C1RL: variants seen among roughly 807,000 people sequenced by gnomAD.
C1RL encodes the protein complement C1r subcomponent-like protein.
Under a neutral mutation model 27.9 loss-of-function variants are expected in C1RL, and 27 were observed. The ratio of observed to expected loss-of-function variants is 0.97; its 90% CI spans 0.71 to 1.33. The LOEUF (loss-of-function observed/expected upper bound fraction) is 1.33. C1RL is among the 40% of genes most tolerant of loss of function. The pLI is 0.00. For synonymous variants in C1RL, 248 were observed against 252.1 expected (o/e 0.98, Z 0.15); for missense variants, 563 against 623.9 (o/e 0.90, Z 1.04).
At chr12:7,102,239 C>T (rs775417802) in intron 2 of C1RL, 152 bp from the exon 3 acceptor site, 36 of 666,914 alleles carry the variant, frequency 5.4e-5, no homozygotes, top group Non-Finnish European at 8.1e-5. Flanking sequence ...GAGGCTTCCT[C>T]AACTAGCTTC....
Position 7,104,043 on chromosome 12 carries a change from A to G in C1RL, c.301-1956T>C, listed in dbSNP as rs7139082. Among the ~76,000 whole-genome samples, 86,471 of 152,102 alleles carry G rather than the reference A, an allele frequency of 0.57. 25,188 individuals are homozygous for G. Among genetic ancestry groups the G allele is most frequent in the East Asian group, 0.73 (3,773 of 5,166 alleles). On this transcript the variant is annotated intron_variant, in intron 2 of 5. Transcript: ENST00000266542. The surrounding 1 kb of genome is among the most constrained non-coding windows in gnomAD (Gnocchi z 5.4). ...TAACCAAGGACAAAAAAGGGAGAGA[A>G]GATGACAGCAGATGACAGGTGTCAA...
Position 7,096,299 on chromosome 12 carries a change from CA to C in C1RL, c.*91del. ...CCTGCCTCCCCCAACCCCCCACCCCCAACCCCTACCCCAGTGTTCAGTCCTC... is the reference window on the plus strand; with the variant it reads ...CCTGCCTCCCCCAACCCCCCACCCCCACCCCTACCCCAGTGTTCAGTCCTC... On this transcript the variant is annotated 3_prime_UTR_variant, in exon 6 of 6. Transcript: ENST00000266542. 8.2e-7 allele frequency: 1 copy of C among 1,218,538 alleles called. No homozygotes were observed. The highest frequency in any genetic ancestry group is 1.0e-6 in the Non-Finnish European group (1 of 974,302). 75.5% of individuals were successfully genotyped at this position (1,218,538 alleles called of 1,614,324 possible).
intron 5 of C1RL, chr12:7,098,457 T>G (rs1164463363): frequency 1.3e-5 from 2 of 152,208 alleles, no homozygotes; most frequent in Non-Finnish European, 2.9e-5. Context: ...GCAAGTCTAC[T>G]GCTAGGTATA....
Position 7,101,952 on chromosome 12 carries a change from C to T in C1RL, c.436G>A (p.Glu146Lys). The T allele has an allele frequency of 1.2e-6, 2 of 1,614,232 alleles. No individual in the cohort carries two copies. The highest frequency in any genetic ancestry group is 1.7e-6 in the Non-Finnish European group (2 of 1,180,044). Reference sequence around the variant, plus strand: ...TTGTGGAGGTGGGCAGTCTTGTTCTCCGAGGAAGGCTGTGTGCGGAAGGTC... The same window carrying T: ...TTGTGGAGGTGGGCAGTCTTGTTCTTCGAGGAAGGCTGTGTGCGGAAGGTC... Reference protein sequence around the residue: ...RLTFRTQPSSENKTAHLHKGF... With the variant: ...RLTFRTQPSSKNKTAHLHKGF... The change falls in exon 3 of 6, where the codon GAG (glutamate) becomes AAG (lysine). Residue 146 changes from glutamate to lysine, a missense_variant. By Grantham distance (56) the Glu-to-Lys change is moderately conservative. Coordinates refer to ENST00000266542, the MANE Select transcript of C1RL (RefSeq NM_016546.4).
chr12:7,108,530 C>G (rs760349937), intron 1 of C1RL, 51 bp from the exon 2 acceptor site: 6 of 1,470,168 alleles, frequency 4.1e-6, no homozygotes, highest in Admixed American at 4.2e-5. Context: ...TGGCCGGAAG[C>G]CTGTGGGTGT....
chr12:7,106,967 G>A (rs1938783901), intron 2 of C1RL, among the ~76,000 whole-genome samples: 2 of 152,110 alleles, frequency 1.3e-5, no homozygotes, highest in African/African-American at 4.8e-5. Flanking sequence ...GATAAAGCTA[G>A]TCCTTATCTT....
Position 7,095,899 on chromosome 12 carries a change from A to T in C1RL, c.*492T>A. 4.1e-6 allele frequency: 4 copies of T among 984,692 alleles called. No homozygotes were observed. The highest frequency in any genetic ancestry group is 4.8e-6 in the Non-Finnish European group (4 of 829,110). 61.0% of individuals were successfully genotyped at this position (984,692 alleles called of 1,614,324 possible). On this transcript the variant is annotated 3_prime_UTR_variant, in exon 6 of 6. Transcript: ENST00000266542. ...AAAATAAAAAAGGAGCTGTTTCTAT[A>T]ATTGCATCTTGGAGCTGCAGAATAG...
At chr12:7,100,513 G>A (rs1371828273) in intron 3 of C1RL, among the ~76,000 whole-genome samples, 1 of 152,148 alleles carries the variant, frequency 6.6e-6, no homozygotes, top group Non-Finnish European at 1.5e-5. Context: ...TAATGAGTTC[G>A]CCAGGTGCGG....
rs760966685 is a variant in C1RL at position 7,100,012 on chromosome 12, G to C, written c.505C>G (p.Gln169Glu). ...CCCCTGCTGGCCTCGCTGATGGGCT[G>C]ACTATAGTTCACAGCTATAGGAAAA... The part of the protein sequence containing the change: ...LYQTVAVNYS[Q>E]PISEASRGSE... The change falls in exon 4 of 6, where the codon CAG becomes GAG. Residue 169 changes from glutamine to glutamate, a missense_variant. Gln to Glu is a conservative substitution (Grantham distance 29). Coordinates refer to ENST00000266542, the MANE Select transcript of C1RL (RefSeq NM_016546.4). 5 of 1,612,600 alleles carry C rather than the reference G, an allele frequency of 3.1e-6. No individual in the cohort carries two copies. In the Admixed American group the frequency reaches 8.4e-5, roughly 27 times the overall value.
Position 7,104,858 on chromosome 12 carries a change from C to T in C1RL, c.301-2771G>A, listed in dbSNP as rs932435421. Reference sequence around the variant, plus strand: ...ATCAGTAATTGCTGTAGAAACTTCACTCTTGTCTATATCAATTAGCTCTAT... The same window carrying T: ...ATCAGTAATTGCTGTAGAAACTTCATTCTTGTCTATATCAATTAGCTCTAT... On this transcript the variant is annotated intron_variant, in intron 2 of 5. Transcript: ENST00000266542. The surrounding 1 kb of genome is among the most constrained non-coding windows in gnomAD (Gnocchi z 5.4). Among the ~76,000 whole-genome samples the T allele has an allele frequency of 6.6e-6, 1 of 152,192 alleles. No homozygotes were observed. Among genetic ancestry groups the T allele is most frequent in the Non-Finnish European group, 1.5e-5 (1 of 68,036 alleles).
Position 7,096,135 on chromosome 12 carries a change from T to C in C1RL, c.*256A>G. On this transcript the variant is annotated 3_prime_UTR_variant, in exon 6 of 6. Coordinates refer to ENST00000266542, the MANE Select transcript of C1RL (RefSeq NM_016546.4). ...TGAGATGTACAGGCTTCCCGGGGCC[T>C]AGTGCATGAGCACAGGGAGGTAGAG... is the stretch of plus-strand genomic sequence containing the variant. The C allele has an allele frequency of 7.9e-7, 1 of 1,265,978 alleles. No individual in the cohort carries two copies. Among genetic ancestry groups the C allele is most frequent in the Non-Finnish European group, 9.9e-7 (1 of 1,005,358 alleles). 78.4% of individuals were successfully genotyped at this position (1,265,978 alleles called of 1,614,324 possible). A position where few individuals can be genotyped will look rare whatever the true frequency, so the allele number is the denominator to read the frequency against.
At chr12:7,102,167 G>T in intron 2 of C1RL, 80 bp from the exon 3 acceptor site, 1 of 1,423,352 alleles carries the variant, frequency 7.0e-7, no homozygotes, top group African/African-American at 1.4e-5. Context: ...GCACATCCTC[G>T]GTGTGACTCC....
rs146147268 is a variant in C1RL at position 7,096,835 on chromosome 12, G to A, written c.1020C>T (p.Ile340=). 171 of 1,603,874 alleles carry A rather than the reference G, an allele frequency of 1.1e-4. 2 individuals carry two copies. Among genetic ancestry groups the A allele is most frequent in the South Asian group, 4.8e-4 (43 of 89,318 alleles). ...TGCTGTGCTGCAGCTCCAGGAGGGC[G>A]ATGTCCCCGCTAAAGTTATGGGACT... is the stretch of plus-strand genomic sequence containing the variant. ...QNESHNFSGD[I]ALLELQHSIP... is the part of the protein sequence containing the mutation. Residue 340 remains isoleucine, a synonymous_variant, in exon 6 of 6, where the codon ATC becomes ATT. Transcript: ENST00000266542.
chr12:7,096,799 G>C lies in C1RL; in HGVS notation c.1056C>G (p.Gly352=). ...LLELQHSIPL[G]PNVLPVCLPD... ...GCAGACAGACCGGGAGGACGTTGGGGCCCAGGGGGATGCTGTGCTGCAGCT... is the reference window on the plus strand; with the variant it reads ...GCAGACAGACCGGGAGGACGTTGGGCCCCAGGGGGATGCTGTGCTGCAGCT... The change falls in exon 6 of 6, where the codon GGC becomes GGG. Residue 352 remains glycine (G), a synonymous_variant. Transcript: ENST00000266542. 1 of 1,605,308 alleles carries C rather than the reference G, an allele frequency of 6.2e-7. No homozygotes were observed. The highest frequency in any genetic ancestry group is 1.3e-5 in the African/African-American group (1 of 74,930).
intron 2 of C1RL, chr12:7,107,970 T>C (rs1442375793): frequency 4.5e-5 from 16 of 354,962 alleles, no homozygotes; most frequent in Non-Finnish European, 7.1e-5. Context: ...CCTGGCTCCA[T>C]AGATTTGCAA....
At position 7,106,409 on chromosome 12, in the gene C1RL, C is replaced by T. The variant is rs117561369; in HGVS notation, c.300+1842G>A. Among the ~76,000 whole-genome samples, 266 of 152,190 alleles carry T rather than the reference C, an allele frequency of 1.7e-3. 1 individual carries two copies. Among genetic ancestry groups the T allele is most frequent in the Non-Finnish European group, 1.4e-3 (95 of 68,004 alleles). ...TAAGGAAGCCACTGGTGAAGGTGCT[C>T]CTCCAAAATGGGAGAGTAAACCAAA... On this transcript the variant is annotated intron_variant, in intron 2 of 5. Transcript: ENST00000266542.
chr12:7,097,257 G>T, intron 5 of C1RL, 94 bp from the exon 6 acceptor site: 1 of 1,141,608 alleles, frequency 8.8e-7, no homozygotes, highest in Non-Finnish European at 1.2e-6. Context: ...GGTAGGGGAC[G>T]CGTGAAGAGA....
chr12:7,096,098 G>A lies in C1RL; in HGVS notation c.*293C>T, dbSNP rs1477916846. On this transcript the variant is annotated 3_prime_UTR_variant, in exon 6 of 6. Coordinates refer to ENST00000266542, the MANE Select transcript of C1RL (RefSeq NM_016546.4). The stretch of plus-strand genomic sequence containing the variant: ...GGAAGGCGGTTCTAAGGACATTCAA[G>A]GCGAAAGTTGTTGAGATGTACAGGC... 4.7e-5 allele frequency: 55 copies of A among 1,166,574 alleles called. No homozygotes were observed. The highest frequency in any genetic ancestry group is 5.8e-5 in the Non-Finnish European group (55 of 945,134). The allele number at this position is 1,166,574 out of a possible 1,614,324, so 72.3% of individuals were successfully genotyped here.
chr12:7,109,052 C>T, intron 1 of C1RL, 58 bp downstream of exon 1: 1 of 1,275,964 alleles, frequency 7.8e-7, no homozygotes, highest in Non-Finnish European at 1.1e-6. Context: ...TGCGGCCACC[C>T]ACCCTTTCTC....
Sources: gnomAD v4.1 joint callset for allele counts (sites outside exome capture counted in the v4.1 genomes callset) on GRCh38, gnomAD v4.1.1 for gene constraint, Gnocchi (gnomAD v3.1) non-coding constraint, MANE v1.5 for transcripts, NCBI Gene and HGNC (gene_info 2026-07-23, HGNC 2026-07-21) for gene names.